Variants in C7orf57 observed in about 807,000 individuals in gnomAD.
The protein encoded by C7orf57 is chromosome 7 open reading frame 57, also known as uncharacterized protein C7orf57.
C7orf57 carries 33 observed loss-of-function variants against 39.0 expected under a neutral mutation model. The ratio of observed to expected loss-of-function variants is 0.85; its 90% CI spans 0.64 to 1.13. The LOEUF (loss-of-function observed/expected upper bound fraction) is 1.13, where lower values mean the gene tolerates loss of function less well. Ranked by LOEUF, C7orf57 falls within the 50% of genes most tolerant of loss-of-function variation. The probability of loss-of-function intolerance (pLI) is 0.00; values close to 1 mark genes in which losing one functional copy is unlikely to be tolerated. For synonymous variants in C7orf57, 124 were observed against 137.1 expected (o/e 0.90, Z 0.67); for missense variants, 346 against 362.3 (o/e 0.95, Z 0.37).
chr7:48,058,542 G>A (rs1791195379), intron 8 of C7orf57, among the ~76,000 whole-genome samples: 1 of 151,914 alleles, frequency 6.6e-6, no homozygotes, highest in Admixed American at 6.6e-5. Context: ...AGTATCAGTT[G>A]CAATGTCTCC....
At position 48,061,046 on chromosome 7, in the gene C7orf57, A is replaced by T. The variant is rs978613417; in HGVS notation, c.*774A>T. 1 of 152,196 alleles carries T rather than the reference A, an allele frequency of 6.6e-6. No individual in the cohort carries two copies. The highest frequency in any genetic ancestry group is 1.5e-5 in the Non-Finnish European group (1 of 68,022). The allele number at this position is 152,196 out of a possible 1,614,324, so 9.4% of individuals were successfully genotyped here. ...TGTACATTAATTGATTAATAAAATA[A>T]TAATTTTATGTGAGAATGTTTTCAA... is the stretch of plus-strand genomic sequence containing the variant. On this transcript the variant is annotated 3_prime_UTR_variant, in exon 9 of 9. Transcript: ENST00000348904.
intron 4 of C7orf57, among the ~76,000 whole-genome samples, 158 bp from the exon 5 acceptor site, chr7:48,046,302 A>T (rs1790709971): frequency 6.6e-6 from 1 of 151,278 alleles, no homozygotes; most frequent in Non-Finnish European, 1.5e-5. Context: ...AGGGAGAGAG[A>T]GGGAGAGAGA....
chr7:48,058,924 T>C (rs1008916521), intron 8 of C7orf57, among the ~76,000 whole-genome samples: 2 of 152,236 alleles, frequency 1.3e-5, no homozygotes, highest in Non-Finnish European at 1.5e-5. Context: ...GTTTATATTA[T>C]CAGCAAGATC....
At chr7:48,047,520 C>A (rs1790751733) in intron 5 of C7orf57, among the ~76,000 whole-genome samples, 1 of 152,092 alleles carries the variant, frequency 6.6e-6, no homozygotes, top group Admixed American at 6.5e-5. Flanking sequence ...GAAGGGAAAC[C>A]CCTCAGTTTA....
At chr7:48,054,532 T>C in intron 7 of C7orf57, 63 bp from the exon 8 acceptor site, 1 of 1,347,594 alleles carries the variant, frequency 7.4e-7, no homozygotes, top group South Asian at 1.3e-5. Context: ...TAAGTAATTA[T>C]GACTTCTTTT....
chr7:48,044,092 C>G (rs1398253643), intron 4 of C7orf57, among the ~76,000 whole-genome samples: 1 of 152,172 alleles, frequency 6.6e-6, no homozygotes, highest in Admixed American at 6.5e-5. Context: ...TTAGGACGAA[C>G]CCGGGCACTT....
In C7orf57 at chr7:48,035,995, T is replaced by C. The variant is rs911340744; in HGVS notation, c.-101-213T>C. On this transcript the variant is annotated intron_variant, in intron 1 of 8. Transcript: ENST00000348904. This position sits in a 1 kb window ranked among gnomAD's most constrained non-coding sequence, Gnocchi z 4.0. The stretch of plus-strand genomic sequence containing the variant: ...GCGTACGTCCCTGCTGTGTACCCTG[T>C]GTGGACGTGCCCTGCTGTCTACCCG... Among the ~76,000 whole-genome samples the C allele has an allele frequency of 6.6e-6, 1 of 151,694 alleles. No individual in the cohort carries two copies. The highest frequency in any genetic ancestry group is 2.4e-5 in the African/African-American group (1 of 41,248).
At chr7:48,058,229 C>T (rs1257759887) in intron 8 of C7orf57, among the ~76,000 whole-genome samples, 1 of 152,020 alleles carries the variant, frequency 6.6e-6, no homozygotes, top group Non-Finnish European at 1.5e-5. Flanking sequence ...TGGAAGTGTT[C>T]CTTCCTTTTC....
At chr7:48,047,977 G>A (rs762699896) in intron 5 of C7orf57, among the ~76,000 whole-genome samples, 4 of 152,160 alleles carry the variant, frequency 2.6e-5, no homozygotes, top group African/African-American at 4.8e-5. Flanking sequence ...GATATTAACC[G>A]TGGCTACAGC....
chr7:48,058,482 G>A lies in C7orf57; in HGVS notation c.842-1744G>A, dbSNP rs562592865. Among the ~76,000 whole-genome samples, 51 of 152,080 alleles carry A rather than the reference G, an allele frequency of 3.4e-4. 1 individual carries two copies. The highest frequency in any genetic ancestry group is 2.9e-3 in the South Asian group (14 of 4,826). On this transcript the variant is annotated intron_variant, in intron 8 of 8. Transcript: ENST00000348904. ...CCATTTCCTCTAGACTATCCAATTC[G>A]TTGGTGTATAATCCTTCACAGTTGT... is the stretch of plus-strand genomic sequence containing the variant.
chr7:48,038,383 T>TATAGATAGATAGATAGATAG (rs67831054), intron 2 of C7orf57, among the ~76,000 whole-genome samples: 1 of 150,130 alleles, frequency 6.7e-6, no homozygotes, highest in African/African-American at 2.5e-5. Flanking sequence ...TCTATATACA[T>TATAGATAGATAGATAGATAG]ATAGATAGAT....
chr7:48,058,127 T>C (rs1791181946), intron 8 of C7orf57, among the ~76,000 whole-genome samples: 1 of 152,302 alleles, frequency 6.6e-6, no homozygotes, highest in African/African-American at 2.4e-5. Flanking sequence ...TGCATCTATG[T>C]TTATCAGGGA....
chr7:48,039,708 T>G (rs775932039), intron 2 of C7orf57, among the ~76,000 whole-genome samples: 1 of 152,024 alleles, frequency 6.6e-6, no homozygotes, highest in Non-Finnish European at 1.5e-5. Flanking sequence ...AAATTAGACA[T>G]TATACCTACC....
intron 2 of C7orf57, among the ~76,000 whole-genome samples, chr7:48,038,709 G>T (rs1790459757): frequency 6.6e-6 from 1 of 152,206 alleles, no homozygotes; most frequent in Non-Finnish European, 1.5e-5. Flanking sequence ...CACAGCCCCA[G>T]GAGTTCTTGA....
intron 2 of C7orf57, among the ~76,000 whole-genome samples, chr7:48,037,489 G>A (rs544424547): frequency 1.3e-5 from 2 of 152,254 alleles, no homozygotes; most frequent in South Asian, 2.1e-4. Flanking sequence ...GTGCCCCTGC[G>A]GGTATGTGAA....
At chr7:48,049,552 C>T (rs756093554) in intron 5 of C7orf57, among the ~76,000 whole-genome samples, 35 of 152,058 alleles carry the variant, frequency 2.3e-4, no homozygotes, top group Non-Finnish European at 4.7e-4. Context: ...ATTACAAAAG[C>T]GTACAGGTGC....
At chr7:48,055,995 G>C (rs1161635152) in intron 8 of C7orf57, among the ~76,000 whole-genome samples, 1 of 152,158 alleles carries the variant, frequency 6.6e-6, no homozygotes, top group Non-Finnish European at 1.5e-5. Flanking sequence ...CAGTGGGATT[G>C]CTATATCATA....
chr7:48,039,512 G>A (rs966038455), intron 2 of C7orf57, among the ~76,000 whole-genome samples: 1 of 151,392 alleles, frequency 6.6e-6, no homozygotes, highest in African/African-American at 2.4e-5. Context: ...CGGGTGGTGG[G>A]GGGCTTAGAA....
intron 8 of C7orf57, among the ~76,000 whole-genome samples, chr7:48,058,868 A>C (rs922812860): frequency 1.3e-5 from 2 of 152,230 alleles, no homozygotes; most frequent in African/African-American, 4.8e-5. Context: ...TTTGGCATTC[A>C]TATAAATGTA....
Sources: allele counts gnomAD v4.1 joint callset (sites outside exome capture counted in the v4.1 genomes callset), GRCh38; gene constraint gnomAD v4.1.1; non-coding constraint Gnocchi (gnomAD v3.1); transcripts MANE v1.5; gene names NCBI Gene and HGNC (gene_info 2026-07-23, HGNC 2026-07-21).